ARHGAP44: variants seen among roughly 807,000 people sequenced by gnomAD.
ARHGAP44 encodes the protein Rho GTPase activating protein 44.
ARHGAP44 carries 43 observed loss-of-function variants against 106.8 expected under a neutral mutation model. The observed-to-expected ratio is 0.40, with a 90% CI of 0.32 to 0.52. The LOEUF (loss-of-function observed/expected upper bound fraction) is 0.52, where lower values mean the gene tolerates loss of function less well. Among genes scored for constraint, ARHGAP44 ranks in the 20% least tolerant of loss-of-function variants. The pLI is 0.48. For missense variants in ARHGAP44, 866 were observed against 1,050.5 expected (o/e 0.82, Z 2.43); for synonymous variants, 439 against 410.3 (o/e 1.07, Z -0.85).
chr17:12,812,137 G>C (rs1471390440), intron 1 of ARHGAP44, among the ~76,000 whole-genome samples: 1 of 152,162 alleles, frequency 6.6e-6, no homozygotes, highest in Non-Finnish European at 1.5e-5. Flanking sequence ...ACATGAGTAA[G>C]TCTAATAATC....
intron 1 of ARHGAP44, among the ~76,000 whole-genome samples, chr17:12,847,510 C>CTT (rs201835763): frequency 0.029 from 3,816 of 133,360 alleles, 281 homozygotes; most frequent in African/African-American, 0.1. Context: ...GCTACCATCA[C>CTT]TCTTTTTTTT....
At chr17:12,916,633 C>A (rs2037924939) in intron 5 of ARHGAP44, among the ~76,000 whole-genome samples, 1 of 152,238 alleles carries the variant, frequency 6.6e-6, no homozygotes, top group African/African-American at 2.4e-5. Context: ...GATCCACCCG[C>A]CTTGGCCTCC....
chr17:12,929,111 G>A, intron 7 of ARHGAP44, 65 bp downstream of exon 7: 3 of 1,396,470 alleles, frequency 2.1e-6, no homozygotes, highest in South Asian at 2.5e-5. Flanking sequence ...TTCCCTTTTT[G>A]TTCACTGGAG....
At chr17:12,845,512 A>AC (rs2035542114) in intron 1 of ARHGAP44, among the ~76,000 whole-genome samples, 1 of 128,288 alleles carries the variant, frequency 7.8e-6, no homozygotes, top group African/African-American at 3.1e-5. Context: ...GTCTCAAAAA[A>AC]AAAAAAAAAA....
chr17:12,980,307 T>C, intron 19 of ARHGAP44, 74 bp downstream of exon 19: 1 of 1,465,836 alleles, frequency 6.8e-7, no homozygotes, highest in East Asian at 2.4e-5. Flanking sequence ...CTCGTTTTCC[T>C]CTATGAACTT....
Position 12,956,522 on chromosome 17 carries a change from C to T in ARHGAP44, c.1251-133C>T, listed in dbSNP as rs1203451224. 32 of 675,622 alleles carry T rather than the reference C, an allele frequency of 4.7e-5. No individual in the cohort carries two copies. The Admixed American group carries it at 8.3e-4, about 17-fold the overall frequency. The allele number at this position is 675,622 out of a possible 1,614,324, so 41.9% of individuals were successfully genotyped here. On this transcript the variant is annotated intron_variant, in intron 14 of 20. Coordinates refer to ENST00000379672, the MANE Select transcript of ARHGAP44 (RefSeq NM_014859.6). ...TGAAGATTCCCTCCCAAGAGAAAGT[C>T]TGCTCTCAAACCTCTGTCTGTGGGG...
rs2035264817 is a variant in ARHGAP44 at position 12,837,320 on chromosome 17, C to T, written c.53+47429C>T. Among the ~76,000 whole-genome samples the T allele has an allele frequency of 2.6e-5, 4 of 152,060 alleles. No individual in the cohort carries two copies. In the South Asian group the frequency reaches 6.2e-4, roughly 24 times the overall value. On this transcript the variant is annotated intron_variant, in intron 1 of 20. Transcript: ENST00000379672. ...CATTAGAAAAGAAGAATGGGTACCC[C>T]ATTTACCCTAATGTGATTATTACAC...
At chr17:12,867,126 G>A (rs763514729) in intron 1 of ARHGAP44, among the ~76,000 whole-genome samples, 14 of 151,122 alleles carry the variant, frequency 9.3e-5, no homozygotes, top group Non-Finnish European at 1.8e-4. Flanking sequence ...GAGAGATCTA[G>A]TATGTTCACC....
rs778796877 is a variant in ARHGAP44 at position 12,896,391 on chromosome 17, G to A, written c.94-16G>A. The A allele has an allele frequency of 1.8e-5, 28 of 1,577,138 alleles. No homozygotes were observed. The highest frequency in any genetic ancestry group is 1.7e-4 in the Middle Eastern group (1 of 6,012). ...TTGCCCTCTCTCAGTGGCACCACCC[G>A]CTCTTCTCTCTGCAGGTGGAGAAGC... On this transcript the variant is annotated splice_polypyrimidine_tract_variant and intron_variant, in intron 2 of 20. Transcript: ENST00000379672.
At chr17:12,907,423 C>T (rs925580150) in intron 3 of ARHGAP44, among the ~76,000 whole-genome samples, 1 of 152,152 alleles carries the variant, frequency 6.6e-6, no homozygotes, top group Admixed American at 6.5e-5. Flanking sequence ...AGTTCCAGAA[C>T]GTTTCCATCA....
chr17:12,849,568 C>CTTTT lies in ARHGAP44; in HGVS notation c.54-45349_54-45346dup, dbSNP rs776346185. ...CTAGTCTTTCCTTCCTACTTTTGTC[C>CTTTT]TTTTTTTTTTTTTTTTTTTTTTTTT... On this transcript the variant is annotated intron_variant, in intron 1 of 20. Transcript: ENST00000379672. 3.1e-4 allele frequency among the ~76,000 whole-genome samples: 22 copies of CTTTT among 69,958 alleles called. 3 individuals carry two copies. Among genetic ancestry groups the CTTTT allele is most frequent in the African/African-American group, 1.4e-3 (16 of 11,314 alleles). 45.9% of individuals were successfully genotyped at this position (69,958 alleles called of 152,430 possible).
intron 1 of ARHGAP44, among the ~76,000 whole-genome samples, chr17:12,857,333 G>A (rs1446514202): frequency 3.3e-5 from 5 of 152,206 alleles, no homozygotes; most frequent in Non-Finnish European, 7.3e-5. Context: ...TTTAGCTCAT[G>A]GTTCTGGAGG....
intron 7 of ARHGAP44, among the ~76,000 whole-genome samples, chr17:12,931,803 G>T (rs1316825126): frequency 1.3e-5 from 2 of 150,962 alleles, no homozygotes; most frequent in African/African-American, 2.5e-5. Context: ...CCAGCCGTTA[G>T]TCTTTTTTAT....
intron 1 of ARHGAP44, among the ~76,000 whole-genome samples, chr17:12,825,376 T>G (rs1468124587): frequency 5.3e-5 from 8 of 151,972 alleles, no homozygotes; most frequent in African/African-American, 1.9e-4. Context: ...AGGGACTGTA[T>G]TAGGGTTCTT....
rs371655755 is a variant in ARHGAP44, at chr17:12,955,994, G to A, written c.1250+14G>A. On this transcript the variant is annotated intron_variant, in intron 14 of 20. Transcript: ENST00000379672. ...ACAAGCAGAAGGGTAAGTACAGGGC[G>A]GAGAAGTAATGTGGGTGATCAGGTG... 46 of 1,594,000 alleles carry A rather than the reference G, an allele frequency of 2.9e-5. No individual in the cohort carries two copies. Among genetic ancestry groups the A allele is most frequent in the East Asian group, 1.1e-4 (5 of 44,662 alleles).
chr17:12,849,923 G>T (rs190746637), intron 1 of ARHGAP44, among the ~76,000 whole-genome samples: 5,360 of 148,966 alleles, frequency 0.036, 157 homozygotes, highest in Non-Finnish European at 0.055. Flanking sequence ...GGATGATTCA[G>T]TTTGTTTGTC....
intron 1 of ARHGAP44, among the ~76,000 whole-genome samples, chr17:12,818,264 C>T (rs545210419): frequency 3.4e-5 from 5 of 145,148 alleles, no homozygotes; most frequent in East Asian, 2.2e-4. Context: ...ATTCAAAATC[C>T]ATTCATGATA....
chr17:12,950,399 C>T (rs990086123), intron 12 of ARHGAP44, among the ~76,000 whole-genome samples: 15 of 152,124 alleles, frequency 9.9e-5, no homozygotes, highest in East Asian at 1.9e-4. Context: ...AGGGAGAGGC[C>T]GCAGCCCAAA....
intron 1 of ARHGAP44, among the ~76,000 whole-genome samples, chr17:12,856,338 G>A (rs1281012481): frequency 6.6e-6 from 1 of 152,122 alleles, no homozygotes; most frequent in African/African-American, 2.4e-5. Context: ...TCTCTGGGGT[G>A]GCTGCTTCCA....
Sources: allele counts gnomAD v4.1 joint callset (sites outside exome capture counted in the v4.1 genomes callset), GRCh38; gene constraint gnomAD v4.1.1; transcripts MANE v1.5; gene names NCBI Gene and HGNC (gene_info 2026-07-23, HGNC 2026-07-21).